Variants in NRG3 observed in about 807,000 individuals in gnomAD.
The protein encoded by NRG3 is neuregulin 3, also known as pro-neuregulin-3, membrane-bound isoform.
A neutral mutation model predicts 66.9 loss-of-function variants in NRG3; 31 were observed. The observed-to-expected ratio is 0.46, with a 90% CI of 0.35 to 0.63. The LOEUF (loss-of-function observed/expected upper bound fraction) is 0.63. Among genes scored for constraint, NRG3 ranks in the 20% least tolerant of loss-of-function variants. The pLI is 0.00. For synonymous variants in NRG3, 393 were observed against 359.4 expected (o/e 1.09, Z -1.06); for missense variants, 910 against 878.9 (o/e 1.04, Z -0.45).
At chr10:82,142,923 T>TG (rs547803393) in intron 1 of NRG3, among the ~76,000 whole-genome samples, 2 of 21,302 alleles carry the variant, frequency 9.4e-5, no homozygotes, top group African/African-American at 2.1e-4. Flanking sequence ...CCTGGCTAAG[T>TG]TTTTTTTTTT....
rs1491227241 is a variant in NRG3 at position 82,132,479 on chromosome 10, G to GATATATATATCATATATATC, written c.824-226250_824-226249insCATATATATCATATATATAT. Among the ~76,000 whole-genome samples, 16 of 62,496 alleles carry GATATATATATCATATATATC rather than the reference G, an allele frequency of 2.6e-4. 3 individuals carry two copies. Among genetic ancestry groups the GATATATATATCATATATATC allele is most frequent in the Admixed American group, 6.1e-4 (3 of 4,918 alleles). The allele number at this position is 62,496 out of a possible 152,430, so 41.0% of individuals were successfully genotyped here. ...TATATGATATATATGATATATATAT[G>GATATATATATCATATATATC]ATATATATATATGATATATATATAT... On this transcript the variant is annotated intron_variant, in intron 1 of 8. Coordinates refer to ENST00000372141, the MANE Select transcript of NRG3 (RefSeq NM_001010848.4).
intron 1 of NRG3, among the ~76,000 whole-genome samples, chr10:82,127,441 G>A (rs2068520178): frequency 6.6e-6 from 1 of 151,998 alleles, no homozygotes; most frequent in East Asian, 1.9e-4. Flanking sequence ...CTGATTTCCT[G>A]AGTTCCAGGA....
intron 2 of NRG3, among the ~76,000 whole-genome samples, chr10:82,614,277 T>G (rs1348870546): frequency 1.3e-5 from 2 of 152,144 alleles, no homozygotes; most frequent in African/African-American, 4.8e-5. Context: ...AGTTTGAAAA[T>G]TTTTATTTTA....
chr10:81,877,374 T>G (rs1055995293), intron 1 of NRG3, among the ~76,000 whole-genome samples: 1 of 152,094 alleles, frequency 6.6e-6, no homozygotes, highest in African/African-American at 2.4e-5. Flanking sequence ...CAAGGCTATT[T>G]TGCAAAAAAC....
At chr10:82,360,484 T>A (rs1296180877) in intron 2 of NRG3, among the ~76,000 whole-genome samples, 1 of 152,222 alleles carries the variant, frequency 6.6e-6, no homozygotes, top group Non-Finnish European at 1.5e-5. Flanking sequence ...TGATGGTGTT[T>A]TACCAAGAGG....
chr10:82,713,658 A>C (rs59144097), intron 2 of NRG3, among the ~76,000 whole-genome samples: 11,029 of 152,252 alleles, frequency 0.072, 1,116 homozygotes, highest in African/African-American at 0.23. Context: ...TATCAAGTGC[A>C]TACATGGGAC....
chr10:82,096,670 A>G (rs541540651), intron 1 of NRG3, among the ~76,000 whole-genome samples: 1 of 152,340 alleles, frequency 6.6e-6, no homozygotes, highest in Admixed American at 6.5e-5. Flanking sequence ...ACAAGCATAT[A>G]GAACAAATAT....
At chr10:82,378,625 C>T (rs1243011390) in intron 2 of NRG3, among the ~76,000 whole-genome samples, 2 of 151,670 alleles carry the variant, frequency 1.3e-5, no homozygotes, top group East Asian at 1.9e-4. Flanking sequence ...GGCTGGAGTG[C>T]GGTGGTGCGA....
At chr10:82,171,652 C>A (rs1166029329) in intron 1 of NRG3, among the ~76,000 whole-genome samples, 1 of 152,046 alleles carries the variant, frequency 6.6e-6, no homozygotes, top group Non-Finnish European at 1.5e-5. Flanking sequence ...CAGAGGTAGG[C>A]AATTCAAGAA....
intron 1 of NRG3, among the ~76,000 whole-genome samples, chr10:81,992,351 A>G (rs1295695487): frequency 6.6e-6 from 1 of 152,166 alleles, no homozygotes; most frequent in South Asian, 2.1e-4. Flanking sequence ...GTAATTGTCA[A>G]TAACTGTCTG....
intron 1 of NRG3, among the ~76,000 whole-genome samples, chr10:82,297,748 T>A (rs1402483365): frequency 6.6e-6 from 1 of 152,134 alleles, no homozygotes; most frequent in East Asian, 1.9e-4. Flanking sequence ...AGTATACATA[T>A]GTATATAAGG....
chr10:82,179,111 T>A (rs2073237332), intron 1 of NRG3, among the ~76,000 whole-genome samples: 1 of 152,054 alleles, frequency 6.6e-6, no homozygotes, highest in Non-Finnish European at 1.5e-5. Context: ...GCTACTGAAC[T>A]ATAGGAGTTT....
chr10:82,950,926 G>A (rs79106586), intron 4 of NRG3, among the ~76,000 whole-genome samples: 3,018 of 152,292 alleles, frequency 0.02, 54 homozygotes, highest in Middle Eastern at 0.031. Context: ...TATTGAGAAG[G>A]ACAGAGACTG....
intron 2 of NRG3, among the ~76,000 whole-genome samples, chr10:82,392,002 A>G (rs1017422739): frequency 1.3e-5 from 2 of 148,522 alleles, no homozygotes; most frequent in African/African-American, 5.0e-5. Context: ...GCAAAAAAAA[A>G]AAAAAAAACA....
chr10:82,362,147 T>TG (rs1201050769), intron 2 of NRG3, among the ~76,000 whole-genome samples: 21 of 117,216 alleles, frequency 1.8e-4, no homozygotes, highest in African/African-American at 6.5e-4. Context: ...GAGTTGAAAG[T>TG]GGGGGACATG....
chr10:82,677,430 C>G (rs2053789835), intron 2 of NRG3, among the ~76,000 whole-genome samples: 1 of 152,176 alleles, frequency 6.6e-6, no homozygotes, highest in South Asian at 2.1e-4. Flanking sequence ...AGACTATGCA[C>G]TTTTTGGTAC....
intron 2 of NRG3, among the ~76,000 whole-genome samples, chr10:82,641,727 A>G (rs985278602): frequency 1.3e-5 from 2 of 152,172 alleles, no homozygotes; most frequent in African/African-American, 4.8e-5. Flanking sequence ...AAATAATACA[A>G]AAGTAAAAAA....
At chr10:82,738,144 A>T (rs1164435808) in intron 2 of NRG3, among the ~76,000 whole-genome samples, 3 of 152,152 alleles carry the variant, frequency 2.0e-5, no homozygotes, top group Non-Finnish European at 4.4e-5. Context: ...AATTAGTGGT[A>T]GCCAAAATCA....
chr10:82,053,722 G>A (rs772238175), intron 1 of NRG3, among the ~76,000 whole-genome samples: 46 of 152,142 alleles, frequency 3.0e-4, no homozygotes, highest in Non-Finnish European at 6.3e-4. Flanking sequence ...AATCATAAGT[G>A]AAATAAACAT....
Sources: allele counts gnomAD v4.1 joint callset (sites outside exome capture counted in the v4.1 genomes callset), GRCh38; gene constraint gnomAD v4.1.1; transcripts MANE v1.5; gene names NCBI Gene and HGNC (gene_info 2026-07-23, HGNC 2026-07-21).